SIPA1L3: variants seen among roughly 807,000 people sequenced by gnomAD.
The protein encoded by SIPA1L3 is signal-induced proliferation-associated 1-like protein 3.
Under a neutral mutation model 150.1 loss-of-function variants are expected in SIPA1L3, and 59 were observed. The ratio of observed to expected loss-of-function variants is 0.39; its 90% CI spans 0.32 to 0.49. SIPA1L3 has a LOEUF of 0.49. Ranked by LOEUF, SIPA1L3 falls within the 20% of genes least tolerant of loss-of-function variation. The pLI is 0.86. For synonymous variants in SIPA1L3, 1,070 were observed against 1,077.6 expected (o/e 0.99, Z 0.14); for missense variants, 2,211 against 2,489.5 (o/e 0.89, Z 2.38).
At chr19:38,109,059 G>A (rs1056503183) in intron 7 of SIPA1L3, among the ~76,000 whole-genome samples, 10 of 152,126 alleles carry the variant, frequency 6.6e-5, no homozygotes, top group African/African-American at 2.2e-4. Flanking sequence ...TGAATACGGC[G>A]TCACCTGTGA....
intron 2 of SIPA1L3, among the ~76,000 whole-genome samples, chr19:38,034,894 T>C (rs1968744718): frequency 6.6e-6 from 1 of 152,204 alleles, no homozygotes; most frequent in Admixed American, 6.5e-5. Flanking sequence ...ACACATTTGA[T>C]ATGCGCCTCC....
intron 4 of SIPA1L3, among the ~76,000 whole-genome samples, chr19:38,098,615 A>G (rs1222886875): frequency 6.6e-6 from 1 of 152,000 alleles, no homozygotes; most frequent in Non-Finnish European, 1.5e-5. Context: ...GGCTGGTCTC[A>G]AACTCCTGAC....
rs976090881 is a variant in SIPA1L3, at chr19:38,195,802, G to GCCC, written c.4840+2027_4840+2029dup. 5.9e-4 allele frequency among the ~76,000 whole-genome samples: 12 copies of GCCC among 20,252 alleles called. 1 individual carries two copies. The highest frequency in any genetic ancestry group is 1.0e-3 in the Non-Finnish European group (10 of 9,894). 13.3% of individuals were successfully genotyped at this position (20,252 alleles called of 152,430 possible). A position where few individuals can be genotyped will look rare whatever the true frequency, so the allele number is the denominator to read the frequency against. ...ACCACCACAGGCCCCGTCCCCCCCCGCCCCCCCGGGTTTCTCTCACCCCCC... is the reference window on the plus strand; with the variant it reads ...ACCACCACAGGCCCCGTCCCCCCCCGCCCCCCCCCCGGGTTTCTCTCACCCCCC... On this transcript the variant is annotated intron_variant, in intron 18 of 21. Coordinates refer to ENST00000222345, the MANE Select transcript of SIPA1L3 (RefSeq NM_015073.3).
intron 15 of SIPA1L3, among the ~76,000 whole-genome samples, chr19:38,171,810 T>C (rs890402588): frequency 6.6e-6 from 1 of 152,022 alleles, no homozygotes; most frequent in Non-Finnish European, 1.5e-5. Context: ...TGTGCTGTGA[T>C]TGCACCACTG....
intron 1 of SIPA1L3, among the ~76,000 whole-genome samples, chr19:37,949,915 A>G (rs1465909857): frequency 4.0e-5 from 6 of 151,852 alleles, no homozygotes; most frequent in Non-Finnish European, 7.4e-5. Context: ...TGTCTCTACT[A>G]AAAATACAAA....
chr19:37,973,381 C>T (rs1174771273), intron 1 of SIPA1L3, among the ~76,000 whole-genome samples: 2 of 151,626 alleles, frequency 1.3e-5, no homozygotes, highest in Non-Finnish European at 2.9e-5. Context: ...GGGTTACAGG[C>T]ATCTGCCACC....
In SIPA1L3 at chr19:38,106,622, C is replaced by A; in HGVS notation, c.2115C>A (p.Thr705=). The A allele has an allele frequency of 6.2e-7, 1 of 1,612,526 alleles. No individual in the cohort carries two copies. The highest frequency in any genetic ancestry group is 8.5e-7 in the Non-Finnish European group (1 of 1,178,550). Residue 705 remains threonine (T), a synonymous_variant, in exon 7 of 22, where the codon ACC becomes ACA. Coordinates refer to ENST00000222345, the MANE Select transcript of SIPA1L3 (RefSeq NM_015073.3). Reference sequence around the variant, plus strand: ...ATGTCTCCACCCTGCTCCCTTACACCCCCAACAACAGGCAGCAGGTCAGTG... The same window carrying A: ...ATGTCTCCACCCTGCTCCCTTACACACCCAACAACAGGCAGCAGGTCAGTG... ...MFHVSTLLPY[T]PNNRQQLLRK...
chr19:38,093,917 C>T (rs1970319455), intron 4 of SIPA1L3, among the ~76,000 whole-genome samples: 1 of 152,190 alleles, frequency 6.6e-6, no homozygotes, highest in Admixed American at 6.5e-5. Context: ...TCTCAGGTCC[C>T]TTTGGCACTG....
intron 2 of SIPA1L3, among the ~76,000 whole-genome samples, chr19:38,077,302 T>C (rs995164986): frequency 4.0e-5 from 6 of 151,868 alleles, no homozygotes; most frequent in Non-Finnish European, 8.8e-5. Flanking sequence ...AATTTAAAAA[T>C]TAGCTGGGCA....
At chr19:37,941,087 TACACACACACACAC>T (rs59368800) in intron 1 of SIPA1L3, among the ~76,000 whole-genome samples, 2 of 128,652 alleles carry the variant, frequency 1.6e-5, no homozygotes, top group Admixed American at 7.6e-5. Flanking sequence ...CACACACACA[TACACACACACACAC>T]ACACACACAC....
intron 1 of SIPA1L3, among the ~76,000 whole-genome samples, chr19:38,025,863 G>T (rs1344037735): frequency 6.6e-6 from 1 of 152,146 alleles, no homozygotes; most frequent in African/African-American, 2.4e-5. Flanking sequence ...CAATAGCAAC[G>T]GCCCAAGAGG....
chr19:38,117,359 C>T (rs565300175), intron 8 of SIPA1L3, among the ~76,000 whole-genome samples: 2 of 152,284 alleles, frequency 1.3e-5, no homozygotes, highest in South Asian at 4.1e-4. Context: ...GTGGTTCATG[C>T]CTGTAATCCC....
intron 12 of SIPA1L3, among the ~76,000 whole-genome samples, chr19:38,146,153 C>A (rs1276628112): frequency 6.6e-6 from 1 of 152,154 alleles, no homozygotes; most frequent in Non-Finnish European, 1.5e-5. Flanking sequence ...CGTGAGCCAC[C>A]ACACCCAACC....
chr19:38,093,022 G>A (rs1970296687), intron 4 of SIPA1L3, among the ~76,000 whole-genome samples: 1 of 151,932 alleles, frequency 6.6e-6, no homozygotes, highest in South Asian at 2.1e-4. Flanking sequence ...ACCACACCCT[G>A]CTAATTTTTT....
At chr19:37,967,235 C>CA (rs2046911792) in intron 1 of SIPA1L3, among the ~76,000 whole-genome samples, 1 of 151,468 alleles carries the variant, frequency 6.6e-6, no homozygotes. Flanking sequence ...TGTGTGTGTC[C>CA]ATGTGGAAGT....
rs567003927 is a variant in SIPA1L3, at chr19:38,186,234, A to T, written c.4430+3494A>T. On this transcript the variant is annotated intron_variant, in intron 16 of 21. Coordinates refer to ENST00000222345, the MANE Select transcript of SIPA1L3 (RefSeq NM_015073.3). ...TGGTGTAAACATATGTAAACTAAGCATATAAAATATCAGCAGGAGACACAA... is the reference window on the plus strand; with the variant it reads ...TGGTGTAAACATATGTAAACTAAGCTTATAAAATATCAGCAGGAGACACAA... The T allele has an allele frequency of 2.6e-5, 4 of 152,368 alleles. No individual in the cohort carries two copies. In the East Asian group the frequency reaches 7.7e-4, roughly 29 times the overall value. 9.4% of individuals were successfully genotyped at this position (152,368 alleles called of 1,614,324 possible).
chr19:37,943,279 C>T (rs1230778914), intron 1 of SIPA1L3, among the ~76,000 whole-genome samples: 1 of 152,072 alleles, frequency 6.6e-6, no homozygotes, highest in Non-Finnish European at 1.5e-5. Flanking sequence ...GAAGTGAAGT[C>T]CTTAATCCTT....
intron 1 of SIPA1L3, among the ~76,000 whole-genome samples, chr19:38,015,861 T>TC (rs1431190221): frequency 1.3e-5 from 2 of 152,128 alleles, no homozygotes; most frequent in Admixed American, 1.3e-4. Flanking sequence ...CTGGGGACTG[T>TC]CAGTGTCCCT....
At chr19:38,202,033 G>A in intron 20 of SIPA1L3, 36 bp downstream of exon 20, 2 of 1,582,270 alleles carry the variant, frequency 1.3e-6, no homozygotes, top group Middle Eastern at 1.7e-4. Flanking sequence ...GTTCATACCA[G>A]CGGCAGGCCT....
Sources: gnomAD v4.1 joint callset for allele counts (sites outside exome capture counted in the v4.1 genomes callset) on GRCh38, gnomAD v4.1.1 for gene constraint, MANE v1.5 for transcripts, NCBI Gene and HGNC (gene_info 2026-07-23, HGNC 2026-07-21) for gene names.